DMPK: variants seen among roughly 807,000 people sequenced by gnomAD.
The protein encoded by DMPK is myotonin-protein kinase.
In DMPK, 32 loss-of-function variants were observed where a neutral mutation model predicts 70.3. The ratio of observed to expected loss-of-function variants is 0.46; its 90% CI spans 0.34 to 0.61. The LOEUF is 0.61. Among genes scored for constraint, DMPK ranks in the 20% least tolerant of loss-of-function variants. DMPK has a pLI of 0.01. For missense variants in DMPK, 899 were observed against 886.0 expected (o/e 1.01, Z -0.19); for synonymous variants, 469 against 390.9 (o/e 1.20, Z -2.36).
At chr19:45,782,156 C>T in intron 1 of DMPK, 37 bp downstream of exon 1, 1 of 1,190,236 alleles carries the variant, frequency 8.4e-7, no homozygotes, top group Non-Finnish European at 1.1e-6. Flanking sequence ...GCCCCACCCC[C>T]ACCCCATCTG....
chr19:45,774,729 C>A (rs1007204416), intron 9 of DMPK, among the ~76,000 whole-genome samples: 4 of 152,172 alleles, frequency 2.6e-5, no homozygotes, highest in Non-Finnish European at 5.9e-5. Context: ...TTCTGGGAAG[C>A]CCAGTCTGTG....
rs905177344 is a variant in DMPK at position 45,770,038 on chromosome 19, G to A, written c.*450C>T. ...TCGCGCCAGACGCTCCCCAGAGCAG[G>A]GCGTCATGCACAAGAAAGCTTTGCA... On this transcript the variant is annotated 3_prime_UTR_variant, in exon 15 of 15. Coordinates refer to ENST00000291270, the MANE Select transcript of DMPK (RefSeq NM_004409.5). 3.3e-5 allele frequency: 14 copies of A among 425,120 alleles called. 1 individual carries two copies. Among genetic ancestry groups the A allele is most frequent in the East Asian group, 5.0e-5 (1 of 20,066 alleles). The allele number at this position is 425,120 out of a possible 1,614,324, so 26.3% of individuals were successfully genotyped here.
chr19:45,778,052 T>C, intron 6 of DMPK, 75 bp downstream of exon 6: 5 of 1,367,340 alleles, frequency 3.7e-6, no homozygotes, highest in Non-Finnish European at 5.1e-6. Flanking sequence ...CCAAATCCAG[T>C]CCCGCTCCCA....
rs538139992 is a variant in DMPK, at chr19:45,775,191, G to A, written c.1147-157C>T. 3.3e-4 allele frequency: 199 copies of A among 605,550 alleles called. 1 individual carries two copies. In the East Asian group the frequency reaches 5.5e-3, roughly 17 times the overall value. The allele number at this position is 605,550 out of a possible 1,614,324, so 37.5% of individuals were successfully genotyped here. On this transcript the variant is annotated intron_variant, in intron 8 of 14. Coordinates refer to ENST00000291270, the MANE Select transcript of DMPK (RefSeq NM_004409.5). The stretch of plus-strand genomic sequence containing the variant: ...TTTCTTTTTTCTTTTTCTTTGATAC[G>A]GAGTCTCGCTCTGTTACCCAGGCTG...
In DMPK at chr19:45,782,396, G is replaced by A. The variant is rs1009071157; in HGVS notation, c.-44C>T. Reference sequence around the variant, plus strand: ...TGGCCCCTCCCCGGGCCGGGGGCTCGGGGTCCTCCTGTCACAGGGCCTGGC... The same window carrying A: ...TGGCCCCTCCCCGGGCCGGGGGCTCAGGGTCCTCCTGTCACAGGGCCTGGC... On this transcript the variant is annotated 5_prime_UTR_variant, in exon 1 of 15. Transcript: ENST00000291270. The A allele has an allele frequency of 7.3e-6, 11 of 1,503,040 alleles. No homozygotes were observed. Among genetic ancestry groups the A allele is most frequent in the African/African-American group, 4.2e-5 (3 of 71,172 alleles). The allele number at this position is 1,503,040 out of a possible 1,614,324, so 93.1% of individuals were successfully genotyped here.
At position 45,770,819 on chromosome 19, in the gene DMPK, G is replaced by A; in HGVS notation, c.1737+152C>T. On this transcript the variant is annotated intron_variant, in intron 14 of 14. Transcript: ENST00000291270. Reference sequence around the variant, plus strand: ...CGAATCCCGTCCGAACTCGTCATTGGCTGCTTCCTAGCGGCCTGTGTTGAT... The same window carrying A: ...CGAATCCCGTCCGAACTCGTCATTGACTGCTTCCTAGCGGCCTGTGTTGAT... 4 of 967,956 alleles carry A rather than the reference G, an allele frequency of 4.1e-6. No homozygotes were observed. The South Asian group carries it at 6.9e-5, about 17-fold the overall frequency. The allele number at this position is 967,956 out of a possible 1,614,324, so 60.0% of individuals were successfully genotyped here. A position where few individuals can be genotyped will look rare whatever the true frequency, so the allele number is the denominator to read the frequency against.
intron 10 of DMPK, chr19:45,772,301 T>C (rs995973945): frequency 2.8e-6 from 1 of 352,964 alleles, no homozygotes. Context: ...CAAACTACCT[T>C]TCAGGAACAA....
At position 45,771,832 on chromosome 19, in the gene DMPK, T is replaced by C; in HGVS notation, c.1441A>G (p.Thr481Ala). The C allele has an allele frequency of 6.4e-7, 1 of 1,573,484 alleles. No homozygotes were observed. The highest frequency in any genetic ancestry group is 8.6e-7 in the Non-Finnish European group (1 of 1,159,666). ...LQEALEEEVL[T>A]RQSLSREMEA... ...ATCTCCCGGCTCAGGCTCTGCCGGG[T>C]GAGCACCTCCTCCTCCAGGGCTTCC... Residue 481 changes from threonine to alanine, a missense_variant, in exon 11 of 15, where the codon ACC becomes GCC. This residue lies in a region of DMPK where 555 missense variants were observed against 483.8 expected (regional missense o/e 1.15). Transcript: ENST00000291270.
At position 45,770,371 on chromosome 19, in the gene DMPK, G is replaced by A. The variant is rs1366033309; in HGVS notation, c.*117C>T. The A allele has an allele frequency of 7.4e-7, 1 of 1,345,130 alleles. No individual in the cohort carries two copies. The highest frequency in any genetic ancestry group is 1.0e-6 in the Non-Finnish European group (1 of 964,628). 83.3% of individuals were successfully genotyped at this position (1,345,130 alleles called of 1,614,324 possible). ...GCCCGGATCACAGGACTGGAGCTGGGCGGAGACCCACGCTCGGAGCGGTTG... is the reference window on the plus strand; with the variant it reads ...GCCCGGATCACAGGACTGGAGCTGGACGGAGACCCACGCTCGGAGCGGTTG... On this transcript the variant is annotated 3_prime_UTR_variant, in exon 15 of 15. Transcript: ENST00000291270.
At chr19:45,781,814 A>G (rs1252168117) in intron 1 of DMPK, among the ~76,000 whole-genome samples, 1 of 152,036 alleles carries the variant, frequency 6.6e-6, no homozygotes, top group Non-Finnish European at 1.5e-5. Context: ...ACCAGGGGAG[A>G]GGGCCATAGA....
rs570705950 is a variant in DMPK, at chr19:45,777,698, G to A, written c.851C>T (p.Ala284Val). Residue 284 changes from alanine to valine, a missense_variant, in exon 7 of 15, where the codon GCG becomes GTG. Around this residue, in one of 3 missense-constraint regions of DMPK, gnomAD observed 195 missense variants for 259.7 expected, o/e 0.75. Coordinates refer to ENST00000291270, the MANE Select transcript of DMPK (RefSeq NM_004409.5). This position sits in a 1 kb window ranked among gnomAD's most constrained non-coding sequence, Gnocchi z 6.7. ...GQTPFYADST[A>V]ETYGKIVHYK... ...GTGGACGATCTTGCCATAGGTCTCC[G>A]CCGTGGAATCCGCGTAGAAGGGCGT... 12 of 1,614,014 alleles carry A rather than the reference G, an allele frequency of 7.4e-6. No individual in the cohort carries two copies. Among genetic ancestry groups the A allele is most frequent in the Admixed American group, 3.3e-5 (2 of 60,032 alleles).
chr19:45,779,585 C>A (rs535706406), intron 2 of DMPK, 63 bp from the exon 3 acceptor site: 2 of 1,600,042 alleles, frequency 1.2e-6, no homozygotes, highest in Admixed American at 3.3e-5. Flanking sequence ...CGCCCAGACC[C>A]AACTCCACCC....
At position 45,777,510 on chromosome 19, in the gene DMPK, C is replaced by T. The variant is rs150617093; in HGVS notation, c.963G>A (p.Pro321=). The change falls in exon 8 of 15, where the codon CCG becomes CCA. Residue 321 remains proline (P), a synonymous_variant. Coordinates refer to ENST00000291270, the MANE Select transcript of DMPK (RefSeq NM_004409.5). The surrounding 1 kb of genome is among the most constrained non-coding windows in gnomAD (Gnocchi z 6.7). ...CTCCACCCCGGCCCAGCCGTGTCTC[C>T]GGGGGACACAGCAACCGCTGAATGA... ...RDFIQRLLCP[P]ETRLGRGGAG... 6.9e-5 allele frequency: 112 copies of T among 1,613,556 alleles called. 1 individual carries two copies. Among genetic ancestry groups the T allele is most frequent in the South Asian group, 5.9e-4 (54 of 91,084 alleles).
Position 45,771,771 on chromosome 19 carries a change from C to G in DMPK, c.1502G>C (p.Ser501Thr). The change falls in exon 11 of 15, where the codon AGT becomes ACT. Residue 501 changes from serine to threonine, a missense_variant and splice_region_variant. Around this residue, in one of 3 missense-constraint regions of DMPK, gnomAD observed 555 missense variants for 483.8 expected, o/e 1.15. Transcript: ENST00000291270. ...CCCCGGCCCCGGCCCCGATCCCGAC[C>G]TGGCGAAGTTCTGGTTGTCCGTGCG... The part of the protein sequence containing the change: ...AIRTDNQNFA[S>T]QLREAEARNR... The G allele has an allele frequency of 6.3e-7, 1 of 1,577,208 alleles. No individual in the cohort carries two copies. The highest frequency in any genetic ancestry group is 8.6e-7 in the Non-Finnish European group (1 of 1,161,050).
intron 12 of DMPK, 33 bp from the exon 13 acceptor site, chr19:45,771,429 G>C (rs1568573320): frequency 1.2e-6 from 2 of 1,611,518 alleles, no homozygotes; most frequent in South Asian, 2.2e-5. Flanking sequence ...TAGGGCGCGT[G>C]GAGGGGCGAA....
At position 45,770,624 on chromosome 19, in the gene DMPK, A is replaced by T; in HGVS notation, c.1754T>A (p.Leu585Gln). The change falls in exon 15 of 15, where the codon CTA becomes CAA. Residue 585 changes from leucine (L) to glutamine (Q), a missense_variant. By Grantham distance (113) the Leu-to-Gln change is moderately radical. This residue lies in a region of DMPK where 555 missense variants were observed against 483.8 expected (regional missense o/e 1.15). Transcript: ENST00000291270. ...LLPARVPRPG[L>Q]SEALSLLLFA... ...CAGGAGCAGGGAAAGCGCCTCCGAT[A>T]GGCCAGGCCTAGGGACCTGCGGGGA... The T allele has an allele frequency of 4.5e-6, 7 of 1,552,498 alleles. No individual in the cohort carries two copies. Among genetic ancestry groups the T allele is most frequent in the Non-Finnish European group, 5.2e-6 (6 of 1,148,074 alleles).
At chr19:45,781,869 T>C (rs1161381278) in intron 1 of DMPK, among the ~76,000 whole-genome samples, 1 of 152,116 alleles carries the variant, frequency 6.6e-6, no homozygotes, top group Non-Finnish European at 1.5e-5. Context: ...GCTCCCAGCA[T>C]GACCCTGACC....
chr19:45,771,538 T>C, intron 12 of DMPK, 30 bp downstream of exon 12: 1 of 1,613,436 alleles, frequency 6.2e-7, no homozygotes, highest in Non-Finnish European at 8.5e-7. Flanking sequence ...CTCCCGGTCC[T>C]CCGGGGAAGG....
At position 45,777,277 on chromosome 19, in the gene DMPK, A is replaced by C. The variant is rs781600675; in HGVS notation, c.1146+50T>G. The C allele has an allele frequency of 6.6e-7, 1 of 1,508,242 alleles. No individual in the cohort carries two copies. Among genetic ancestry groups the C allele is most frequent in the South Asian group, 1.3e-5 (1 of 74,778 alleles). 93.4% of individuals were successfully genotyped at this position (1,508,242 alleles called of 1,614,324 possible). A position where few individuals can be genotyped will look rare whatever the true frequency, so the allele number is the denominator to read the frequency against. ...CACTGTCCTTACTCCAACTTTATGG[A>C]GGGAGCATGGGGAGGTTCCCGCAGC... On this transcript the variant is annotated intron_variant, in intron 8 of 14. Transcript: ENST00000291270. The surrounding 1 kb of genome is among the most constrained non-coding windows in gnomAD (Gnocchi z 6.7).
Sources: gnomAD v4.1 joint callset for allele counts (sites outside exome capture counted in the v4.1 genomes callset) on GRCh38, gnomAD v4.1.1 for gene constraint, gnomAD v4.1.1 regional missense constraint, Gnocchi (gnomAD v3.1) non-coding constraint, MANE v1.5 for transcripts, NCBI Gene and HGNC (gene_info 2026-07-23, HGNC 2026-07-21) for gene names.